The following C8orf34 variants were observed in gnomAD, a reference collection of about 807,000 sequenced individuals.
C8orf34 encodes chromosome 8 open reading frame 34, also known as uncharacterized protein C8orf34.
C8orf34 carries 65 observed loss-of-function variants against 68.3 expected under a neutral mutation model. The ratio of observed to expected loss-of-function variants is 0.95; its 90% CI spans 0.78 to 1.17. The LOEUF is 1.17. C8orf34 is among the 50% of genes most tolerant of loss of function. The pLI, the probability that C8orf34 is intolerant of heterozygous loss-of-function variation, is 0.00. For missense variants in C8orf34, 664 were observed against 655.4 expected (o/e 1.01, Z -0.14); for synonymous variants, 244 against 241.2 (o/e 1.01, Z -0.11).
At chr8:68,518,914 CA>C (rs1314585650) in intron 5 of C8orf34, among the ~76,000 whole-genome samples, 3 of 137,762 alleles carry the variant, frequency 2.2e-5, no homozygotes, top group African/African-American at 2.8e-5. Context: ...GGCAAGTATG[CA>C]AAAAAAAGTG....
At chr8:68,487,263 C>T (rs968823590) in intron 4 of C8orf34, among the ~76,000 whole-genome samples, 1 of 151,986 alleles carries the variant, frequency 6.6e-6, no homozygotes, top group African/African-American at 2.4e-5. Flanking sequence ...GGACCCCTAT[C>T]CCTGCAAAAA....
chr8:68,565,749 C>T (rs1386968889), intron 7 of C8orf34, among the ~76,000 whole-genome samples: 1 of 152,134 alleles, frequency 6.6e-6, no homozygotes, highest in African/African-American at 2.4e-5. Context: ...CCTTTTATTT[C>T]ACCTCTAAAT....
chr8:68,421,223 A>G (rs1381287086), intron 1 of C8orf34, among the ~76,000 whole-genome samples: 3 of 152,212 alleles, frequency 2.0e-5, no homozygotes, highest in African/African-American at 4.8e-5. Flanking sequence ...GACCTTGGGC[A>G]TTATTCAACA....
chr8:68,564,918 T>C (rs1307645001), intron 7 of C8orf34, among the ~76,000 whole-genome samples: 2 of 152,184 alleles, frequency 1.3e-5, no homozygotes, highest in Non-Finnish European at 2.9e-5. Flanking sequence ...TGCCCACTAC[T>C]GGAGGAGGAA....
At chr8:68,431,619 C>T (rs1354680893) in intron 1 of C8orf34, among the ~76,000 whole-genome samples, 2 of 152,164 alleles carry the variant, frequency 1.3e-5, no homozygotes, top group East Asian at 1.9e-4. Context: ...AATTTAACTA[C>T]AAGCTTGTGC....
chr8:68,667,652 G>A (rs1216832227), intron 8 of C8orf34, among the ~76,000 whole-genome samples: 1 of 152,030 alleles, frequency 6.6e-6, no homozygotes, highest in East Asian at 1.9e-4. Context: ...TCCAAAACTG[G>A]CCTAAGATTC....
chr8:68,428,644 A>G (rs1810329021), intron 1 of C8orf34, among the ~76,000 whole-genome samples: 1 of 152,144 alleles, frequency 6.6e-6, no homozygotes, highest in Admixed American at 6.5e-5. Flanking sequence ...GGCAGAATAA[A>G]TAAGAAAATG....
intron 6 of C8orf34, among the ~76,000 whole-genome samples, chr8:68,530,067 A>G (rs968815856): frequency 1.3e-5 from 2 of 152,100 alleles, no homozygotes; most frequent in Non-Finnish European, 2.9e-5. Flanking sequence ...ATAGAATATT[A>G]TAAAGTATAA....
At chr8:68,525,670 A>C (rs1429872772) in intron 6 of C8orf34, 4 of 674,564 alleles carry the variant, frequency 5.9e-6, no homozygotes, top group South Asian at 1.4e-5. Context: ...TGAGTTGCAC[A>C]TGAAACCTGG....
intron 10 of C8orf34, among the ~76,000 whole-genome samples, chr8:68,745,624 A>T (rs1302736137): frequency 1.3e-5 from 2 of 152,138 alleles, no homozygotes; most frequent in Admixed American, 6.6e-5. Context: ...AACAAAGATC[A>T]AAAGAGACAA....
chr8:68,523,209 A>AT (rs947535793), intron 6 of C8orf34, among the ~76,000 whole-genome samples: 51 of 152,280 alleles, frequency 3.3e-4, no homozygotes, highest in Non-Finnish European at 4.3e-4. Flanking sequence ...AATGAGGGTA[A>AT]TTTTTTTAAT....
At chr8:68,430,889 T>C (rs570135478) in intron 1 of C8orf34, among the ~76,000 whole-genome samples, 77 of 152,208 alleles carry the variant, frequency 5.1e-4, no homozygotes, top group African/African-American at 1.7e-3. Context: ...TTTTTCCTTA[T>C]AGGAAACAAA....
chr8:68,680,490 G>A (rs1373401350), intron 8 of C8orf34, among the ~76,000 whole-genome samples: 1 of 152,138 alleles, frequency 6.6e-6, no homozygotes, highest in Non-Finnish European at 1.5e-5. Flanking sequence ...ATGCCCCCCT[G>A]AGCCTCAAAC....
chr8:68,624,438 G>A (rs979053241), intron 7 of C8orf34, among the ~76,000 whole-genome samples: 5 of 152,158 alleles, frequency 3.3e-5, no homozygotes, highest in African/African-American at 1.2e-4. Flanking sequence ...TAACACTTCA[G>A]CGGTATGTAC....
chr8:68,729,813 C>T (rs922118321), intron 10 of C8orf34, among the ~76,000 whole-genome samples: 11 of 152,196 alleles, frequency 7.2e-5, no homozygotes, highest in African/African-American at 2.6e-4. Flanking sequence ...AATATTGCTA[C>T]ACTGTACACG....
At chr8:68,619,157 A>G (rs1818314905) in intron 7 of C8orf34, among the ~76,000 whole-genome samples, 2 of 151,932 alleles carry the variant, frequency 1.3e-5, no homozygotes, top group Non-Finnish European at 2.9e-5. Flanking sequence ...GTGAAATCTC[A>G]TTTACTACAA....
chr8:68,435,049 CAAAA>C (rs550862710), intron 1 of C8orf34, among the ~76,000 whole-genome samples: 1 of 75,740 alleles, frequency 1.3e-5, no homozygotes, highest in African/African-American at 4.8e-5. Context: ...GACTCCATCT[CAAAA>C]AAAAAAAAAA....
chr8:68,364,889 T>G (rs1807173358), intron 1 of C8orf34, among the ~76,000 whole-genome samples: 1 of 151,816 alleles, frequency 6.6e-6, no homozygotes, highest in African/African-American at 2.4e-5. Context: ...AAGAAATAAC[T>G]AAAATCAGAG....
intron 3 of C8orf34, among the ~76,000 whole-genome samples, chr8:68,460,071 C>G (rs879357554): frequency 1.3e-5 from 2 of 152,262 alleles, no homozygotes; most frequent in Non-Finnish European, 1.5e-5. Context: ...CCTGGAAAAT[C>G]GGGTCACTCC....
Sources: allele counts gnomAD v4.1 joint callset (sites outside exome capture counted in the v4.1 genomes callset), GRCh38; gene constraint gnomAD v4.1.1; transcripts MANE v1.5; gene names NCBI Gene and HGNC (gene_info 2026-07-23, HGNC 2026-07-21).